Variants in GMDS observed in about 807,000 individuals in gnomAD.
GMDS encodes the protein GDP-mannose 4,6 dehydratase.
GMDS carries 20 observed loss-of-function variants against 49.9 expected under a neutral mutation model. The observed-to-expected ratio is 0.40, with a 90% CI of 0.28 to 0.58. The LOEUF (loss-of-function observed/expected upper bound fraction) is 0.58, where lower values mean the gene tolerates loss of function less well. Ranked by LOEUF, GMDS falls within the 20% of genes least tolerant of loss-of-function variation. GMDS has a pLI of 0.42. For missense variants in GMDS, 362 were observed against 481.4 expected (o/e 0.75, Z 2.32); for synonymous variants, 177 against 178.6 (o/e 0.99, Z 0.07).
intron 6 of GMDS, among the ~76,000 whole-genome samples, chr6:1,954,348 T>C (rs957716022): frequency 6.6e-6 from 1 of 152,234 alleles, no homozygotes; most frequent in Non-Finnish European, 1.5e-5. Context: ...ATCAGGATGG[T>C]GGTTGCTAAA....
At position 2,069,224 on chromosome 6, in the gene GMDS, C is replaced by G. The variant is rs564122980; in HGVS notation, c.345+46547G>C. ...AAACTGGCTAGCCCTATGTAGAAAG[C>G]TGAAACTGGATCCCTTCCTTACACC... On this transcript the variant is annotated intron_variant, in intron 4 of 10. Coordinates refer to ENST00000380815, the MANE Select transcript of GMDS (RefSeq NM_001500.4). 3.3e-5 allele frequency among the ~76,000 whole-genome samples: 5 copies of G among 152,270 alleles called. No individual in the cohort carries two copies. In the South Asian group the frequency reaches 8.3e-4, roughly 25 times the overall value.
In GMDS at chr6:2,012,754, A is replaced by C. The variant is rs7742904; in HGVS notation, c.346-51788T>G. On this transcript the variant is annotated intron_variant, in intron 4 of 10. Coordinates refer to ENST00000380815, the MANE Select transcript of GMDS (RefSeq NM_001500.4). Reference sequence around the variant, plus strand: ...GTGAATTCCTGCAGAATGAATATGCACTAGCTTGGGAGTTAAAAAAAGTCC... The same window carrying C: ...GTGAATTCCTGCAGAATGAATATGCCCTAGCTTGGGAGTTAAAAAAAGTCC... Among the ~76,000 whole-genome samples the C allele has an allele frequency of 3.1e-3, 474 of 152,268 alleles. 5 individuals are homozygous for C. The highest frequency in any genetic ancestry group is 0.01 in the African/African-American group (434 of 41,548).
At chr6:1,970,735 A>T (rs1228346975) in intron 4 of GMDS, among the ~76,000 whole-genome samples, 1 of 152,166 alleles carries the variant, frequency 6.6e-6, no homozygotes, top group Non-Finnish European at 1.5e-5. Flanking sequence ...GGAGGGACAG[A>T]TGACATGGAC....
chr6:2,194,375 A>G (rs1779190793), intron 1 of GMDS, among the ~76,000 whole-genome samples: 1 of 152,256 alleles, frequency 6.6e-6, no homozygotes, highest in Non-Finnish European at 1.5e-5. Context: ...AAAGTTGGGG[A>G]AAATATGCTT....
At chr6:1,735,577 C>G (rs749866240) in intron 8 of GMDS, among the ~76,000 whole-genome samples, 7 of 152,256 alleles carry the variant, frequency 4.6e-5, no homozygotes, top group Non-Finnish European at 7.4e-5. Context: ...CCAGTGTGGC[C>G]AGGCTGTTCC....
chr6:2,117,130 A>G (rs1323203597), intron 3 of GMDS, among the ~76,000 whole-genome samples: 2 of 152,214 alleles, frequency 1.3e-5, no homozygotes, highest in Non-Finnish European at 1.5e-5. Context: ...GACTGAATAT[A>G]AAAAGCGGGT....
At chr6:2,009,232 G>A (rs964843993) in intron 4 of GMDS, among the ~76,000 whole-genome samples, 1 of 152,084 alleles carries the variant, frequency 6.6e-6, no homozygotes, top group East Asian at 1.9e-4. Flanking sequence ...TTTCCTGATT[G>A]ACATTTGGTT....
At chr6:2,016,315 C>G (rs948588815) in intron 4 of GMDS, among the ~76,000 whole-genome samples, 1 of 148,014 alleles carries the variant, frequency 6.8e-6, no homozygotes, top group African/African-American at 2.5e-5. Flanking sequence ...GTCCAGAAAA[C>G]AAACAAACAA....
At chr6:2,195,725 T>TG (rs1779249512) in intron 1 of GMDS, among the ~76,000 whole-genome samples, 3 of 151,382 alleles carry the variant, frequency 2.0e-5, no homozygotes, top group Non-Finnish European at 1.5e-5. Flanking sequence ...CTCATGCCTA[T>TG]AACCCCAGCT....
At chr6:2,065,948 C>T (rs1771557523) in intron 4 of GMDS, among the ~76,000 whole-genome samples, 1 of 152,196 alleles carries the variant, frequency 6.6e-6, no homozygotes, top group Non-Finnish European at 1.5e-5. Context: ...TCAAGAAGAG[C>T]AACTCCAAGA....
chr6:2,108,807 C>G (rs912186691), intron 4 of GMDS, among the ~76,000 whole-genome samples: 3 of 152,120 alleles, frequency 2.0e-5, no homozygotes, highest in African/African-American at 7.2e-5. Context: ...GGGCTGGAGA[C>G]TAGGTAGCGT....
intron 9 of GMDS, among the ~76,000 whole-genome samples, chr6:1,641,852 C>T (rs535864518): frequency 6.6e-6 from 1 of 152,182 alleles, no homozygotes; most frequent in Non-Finnish European, 1.5e-5. Flanking sequence ...GGCTCCCCCA[C>T]GCATCTCTCT....
At chr6:2,071,349 CA>C (rs1771984815) in intron 4 of GMDS, among the ~76,000 whole-genome samples, 1 of 152,260 alleles carries the variant, frequency 6.6e-6, no homozygotes, top group South Asian at 2.1e-4. Context: ...TAAGAAATCA[CA>C]AATGTTCCTT....
At chr6:2,002,642 C>A (rs1458272902) in intron 4 of GMDS, among the ~76,000 whole-genome samples, 1 of 152,182 alleles carries the variant, frequency 6.6e-6, no homozygotes, top group Non-Finnish European at 1.5e-5. Flanking sequence ...CATACAGCTC[C>A]ATTTCATAAT....
chr6:2,131,939 A>G (rs1198421131), intron 1 of GMDS, among the ~76,000 whole-genome samples: 1 of 152,040 alleles, frequency 6.6e-6, no homozygotes, highest in East Asian at 1.9e-4. Context: ...GCCTACTATC[A>G]CTACAAATGA....
chr6:1,630,099 T>C (rs1762955141), intron 9 of GMDS, among the ~76,000 whole-genome samples: 1 of 152,200 alleles, frequency 6.6e-6, no homozygotes, highest in African/African-American at 2.4e-5. Flanking sequence ...ATGGTTGACA[T>C]AGTTGACATA....
intron 1 of GMDS, among the ~76,000 whole-genome samples, chr6:2,183,151 T>C (rs1391961348): frequency 2.0e-5 from 3 of 152,134 alleles, no homozygotes; most frequent in Non-Finnish European, 4.4e-5. Context: ...GATCAAGGAG[T>C]AATTTCAACT....
chr6:1,944,855 T>C (rs573071166), intron 6 of GMDS, among the ~76,000 whole-genome samples: 4 of 152,320 alleles, frequency 2.6e-5, no homozygotes, highest in Admixed American at 6.5e-5. Flanking sequence ...CAATCATGTC[T>C]CCTTCCACAA....
At chr6:2,223,145 C>A (rs888133007) in intron 1 of GMDS, among the ~76,000 whole-genome samples, 169 of 151,844 alleles carry the variant, frequency 1.1e-3, no homozygotes, top group African/African-American at 3.9e-3. Flanking sequence ...CGCTCTCTCT[C>A]TCTCTATATA....
Sources: allele counts gnomAD v4.1 joint callset (sites outside exome capture counted in the v4.1 genomes callset), GRCh38; gene constraint gnomAD v4.1.1; transcripts MANE v1.5; gene names NCBI Gene and HGNC (gene_info 2026-07-23, HGNC 2026-07-21).